The following LRRC8B variants were observed in gnomAD, a reference collection of about 807,000 sequenced individuals.
LRRC8B encodes leucine rich repeat containing 8 VRAC subunit B.
LRRC8B carries 23 observed loss-of-function variants against 58.8 expected under a neutral mutation model. That is an observed-to-expected ratio of 0.39 (90% CI 0.28 to 0.55). The LOEUF is 0.55. LRRC8B is among the 20% of genes least tolerant of loss of function. The pLI, the probability that LRRC8B is intolerant of heterozygous loss-of-function variation, is 0.62. For missense variants in LRRC8B, 694 were observed against 936.0 expected (o/e 0.74, Z 3.37); for synonymous variants, 359 against 374.1 (o/e 0.96, Z 0.47).
chr1:89,528,687 A>G (rs1466686620), intron 1 of LRRC8B, among the ~76,000 whole-genome samples: 1 of 152,232 alleles, frequency 6.6e-6, no homozygotes, highest in East Asian at 1.9e-4. Flanking sequence ...TGATGGTTCT[A>G]CAGTCTTCTG....
chr1:89,567,207 AT>A (rs1421025203), intron 1 of LRRC8B, among the ~76,000 whole-genome samples: 1 of 152,194 alleles, frequency 6.6e-6, no homozygotes, highest in Non-Finnish European at 1.5e-5. Context: ...GTCATTTAGT[AT>A]TTCTCATTTC....
At chr1:89,560,052 C>CT (rs1652503153) in intron 1 of LRRC8B, among the ~76,000 whole-genome samples, 1 of 152,198 alleles carries the variant, frequency 6.6e-6, no homozygotes, top group Admixed American at 6.5e-5. Context: ...AGTAGAGACT[C>CT]TATCAATCAT....
intron 5 of LRRC8B, among the ~76,000 whole-genome samples, chr1:89,587,180 G>A (rs1654682519): frequency 6.6e-6 from 1 of 152,106 alleles, no homozygotes; most frequent in Non-Finnish European, 1.5e-5. Flanking sequence ...CTCCAGACAG[G>A]GACTGCCAGA....
intron 4 of LRRC8B, 107 bp downstream of exon 4, chr1:89,579,795 TG>T (rs1654095638): frequency 6.6e-6 from 1 of 152,598 alleles, no homozygotes; most frequent in African/African-American, 2.4e-5. Context: ...GAGCTATTGT[TG>T]TTTTCATTCT....
Position 89,596,277 on chromosome 1 carries a change from A to G in LRRC8B, c.*3234A>G, listed in dbSNP as rs1655299482. On this transcript the variant is annotated 3_prime_UTR_variant, in exon 6 of 6. Transcript: ENST00000330947. Reference sequence around the variant, plus strand: ...CAGGGTACATCTGTGTGGCACACAGATACTATCTTTTCATTCTTCACTCCC... The same window carrying G: ...CAGGGTACATCTGTGTGGCACACAGGTACTATCTTTTCATTCTTCACTCCC... 1 of 152,074 alleles carries G rather than the reference A, an allele frequency of 6.6e-6. No individual in the cohort carries two copies. The highest frequency in any genetic ancestry group is 2.1e-4 in the South Asian group (1 of 4,834). The allele number at this position is 152,074 out of a possible 1,614,324, so 9.4% of individuals were successfully genotyped here.
chr1:89,531,059 A>G (rs999813738), intron 1 of LRRC8B, among the ~76,000 whole-genome samples: 3 of 152,176 alleles, frequency 2.0e-5, no homozygotes, highest in African/African-American at 7.2e-5. Context: ...GCACTGAAGA[A>G]TGTTTCTTGC....
At chr1:89,579,865 A>G (rs1196917429) in intron 4 of LRRC8B, among the ~76,000 whole-genome samples, 177 bp downstream of exon 4, 1 of 152,226 alleles carries the variant, frequency 6.6e-6, no homozygotes, top group Non-Finnish European at 1.5e-5. Flanking sequence ...TTGAGAGGAC[A>G]AATGAAACAT....
chr1:89,545,065 G>GT (rs892353825), intron 1 of LRRC8B, among the ~76,000 whole-genome samples: 1 of 152,138 alleles, frequency 6.6e-6, no homozygotes, highest in African/African-American at 2.4e-5. Context: ...TAAGGCAGTG[G>GT]TTTTGAGGTC....
At chr1:89,588,155 C>T (rs992631396) in intron 5 of LRRC8B, 8 of 152,182 alleles carry the variant, frequency 5.3e-5, no homozygotes, top group African/African-American at 1.9e-4. Context: ...CACCAAGACT[C>T]ATAAGGTAGG....
chr1:89,537,485 A>C (rs1162035077), intron 1 of LRRC8B, among the ~76,000 whole-genome samples: 2 of 151,836 alleles, frequency 1.3e-5, no homozygotes, highest in Non-Finnish European at 2.9e-5. Flanking sequence ...GTTTTGTTTT[A>C]ATTTTGAGAC....
chr1:89,563,715 A>G (rs138876001), intron 1 of LRRC8B, among the ~76,000 whole-genome samples: 20 of 152,326 alleles, frequency 1.3e-4, no homozygotes, highest in African/African-American at 4.8e-4. Context: ...TAGTGCTTAC[A>G]TTGTACCTGC....
Position 89,592,752 on chromosome 1 carries a change from T to A in LRRC8B, c.2140-19T>A, listed in dbSNP as rs774376134. On this transcript the variant is annotated intron_variant, in intron 5 of 5. Coordinates refer to ENST00000330947, the MANE Select transcript of LRRC8B (RefSeq NM_001369817.2). The stretch of plus-strand genomic sequence containing the variant: ...ACCAAAAACCTATTTTACCAGCTTC[T>A]TTTTTCTTCCCTTTCCAGATTGAGA... The A allele has an allele frequency of 1.9e-6, 3 of 1,608,546 alleles. No individual in the cohort carries two copies. In the East Asian group the frequency reaches 6.7e-5, roughly 36 times the overall value.
chr1:89,549,214 A>T (rs942991973), intron 1 of LRRC8B, among the ~76,000 whole-genome samples: 1 of 152,244 alleles, frequency 6.6e-6, no homozygotes, highest in Non-Finnish European at 1.5e-5. Flanking sequence ...AAACCAGAGC[A>T]GTTCTTCAAA....
chr1:89,541,736 AAAAAAAAAAAAAAG>A (rs1651004692), intron 1 of LRRC8B, among the ~76,000 whole-genome samples: 1 of 139,230 alleles, frequency 7.2e-6, no homozygotes, highest in African/African-American at 2.8e-5. Flanking sequence ...AAAAAAAAAA[AAAAAAAAAAAAAAG>A]CTGGCTGTCT....
intron 1 of LRRC8B, among the ~76,000 whole-genome samples, chr1:89,532,564 G>T (rs564231170): frequency 6.6e-6 from 1 of 152,244 alleles, no homozygotes; most frequent in Non-Finnish European, 1.5e-5. Flanking sequence ...GTTATAAGGG[G>T]CTTCCCTCTT....
chr1:89,587,216 G>A (rs1329090379), intron 5 of LRRC8B, among the ~76,000 whole-genome samples: 1 of 152,132 alleles, frequency 6.6e-6, no homozygotes, highest in African/African-American at 2.4e-5. Context: ...CTGTTAAAGG[G>A]CATCAGGAAT....
rs575468688 is a variant in LRRC8B, at chr1:89,569,365, G to T, written c.-125+872G>T. On this transcript the variant is annotated intron_variant, in intron 3 of 5. Coordinates refer to ENST00000330947, the MANE Select transcript of LRRC8B (RefSeq NM_001369817.2). ...ATACATGATCAGATTTGTTATAAGG[G>T]TATATTGCATGACACTGATGTTGGG... Among the ~76,000 whole-genome samples, 225 of 152,046 alleles carry T rather than the reference G, an allele frequency of 1.5e-3. 2 individuals carry two copies. The highest frequency in any genetic ancestry group is 5.4e-3 in the South Asian group (26 of 4,820).
At chr1:89,578,741 CTT>C (rs5776022) in intron 3 of LRRC8B, among the ~76,000 whole-genome samples, 1 of 151,422 alleles carries the variant, frequency 6.6e-6, no homozygotes, top group Non-Finnish European at 1.5e-5. Flanking sequence ...TCCCTAGAAA[CTT>C]TTTTTTTGAG....
At chr1:89,542,735 T>C (rs1327198092) in intron 1 of LRRC8B, among the ~76,000 whole-genome samples, 1 of 152,252 alleles carries the variant, frequency 6.6e-6, no homozygotes, top group African/African-American at 2.4e-5. Flanking sequence ...GAGTTTTAAA[T>C]AATTTATATA....
Sources: gnomAD v4.1 joint callset for allele counts (sites outside exome capture counted in the v4.1 genomes callset) on GRCh38, gnomAD v4.1.1 for gene constraint, MANE v1.5 for transcripts, NCBI Gene and HGNC (gene_info 2026-07-23, HGNC 2026-07-21) for gene names.